Variants in ATF6B observed in about 807,000 individuals in gnomAD.
The protein encoded by ATF6B is activating transcription factor 6 beta.
ATF6B carries 50 observed loss-of-function variants against 83.5 expected under a neutral mutation model. The ratio of observed to expected loss-of-function variants is 0.60; its 90% confidence interval spans 0.48 to 0.76. The LOEUF is 0.76. Ranked by LOEUF, ATF6B falls within the 30% of genes least tolerant of loss-of-function variation. The probability of loss-of-function intolerance (pLI) is 0.00; values close to 1 mark genes in which losing one functional copy is unlikely to be tolerated. For synonymous variants in ATF6B, 344 were observed against 362.8 expected (o/e 0.95, Z 0.59); for missense variants, 790 against 893.8 (o/e 0.88, Z 1.48).
Position 32,117,991 on chromosome 6 carries a change from C to A in ATF6B, c.1292G>T (p.Gly431Val). Residue 431 changes from glycine to valine, a missense_variant, in exon 12 of 18, where the codon GGG becomes GTG. By Grantham distance (109) the Gly-to-Val change is moderately radical. Transcript: ENST00000375203. This position sits in a 1 kb window ranked among gnomAD's most constrained non-coding sequence, Gnocchi z 5.0. ...SAPISPRMNK[G>V]EPQPRRHLLG... ...CAAGTGTCTCCGGGGTTGAGGCTCC[C>A]CCTTGTTCATCCGAGGAGAGATGGG... 1 of 1,614,058 alleles carries A rather than the reference C, an allele frequency of 6.2e-7. No homozygotes were observed.
chr6:32,125,457 C>T lies in ATF6B; in HGVS notation c.478+660G>A, dbSNP rs1206002920. On this transcript the variant is annotated intron_variant, in intron 5 of 17. Coordinates refer to ENST00000375203, the MANE Select transcript of ATF6B (RefSeq NM_004381.5). This position sits in a 1 kb window ranked among gnomAD's most constrained non-coding sequence, Gnocchi z 4.1. ...TTTAGTATATGGTGTTCTAGCCTTT[C>T]TGTATGTTTAAAAATGTTTATGGGC... 6.6e-6 allele frequency among the ~76,000 whole-genome samples: 1 copy of T among 152,112 alleles called. No homozygotes were observed. Among genetic ancestry groups the T allele is most frequent in the Non-Finnish European group, 1.5e-5 (1 of 68,018 alleles).
chr6:32,117,508 G>C lies in ATF6B; in HGVS notation c.1532+79C>G. On this transcript the variant is annotated intron_variant, in intron 13 of 17. Transcript: ENST00000375203. This position sits in a 1 kb window ranked among gnomAD's most constrained non-coding sequence, Gnocchi z 5.0. The stretch of plus-strand genomic sequence containing the variant: ...GAGGGCAGGGAGCACTGGCGCTTTA[G>C]TACACAGGCCAGCCAGGCTGACTGC... The C allele has an allele frequency of 6.3e-7, 1 of 1,592,408 alleles. No homozygotes were observed.
In ATF6B at chr6:32,119,792, C is replaced by T. The variant is rs1781678461; in HGVS notation, c.966+32G>A. 1 of 1,608,746 alleles carries T rather than the reference C, an allele frequency of 6.2e-7. No homozygotes were observed. The highest frequency in any genetic ancestry group is 8.5e-7 in the Non-Finnish European group (1 of 1,176,576). ...AGACTTCCCTCTTCCCTTCCCATCA[C>T]TCGCCCTACTTCTCTCCTCCCCAAC... On this transcript the variant is annotated intron_variant, in intron 9 of 17. Coordinates refer to ENST00000375203, the MANE Select transcript of ATF6B (RefSeq NM_004381.5). This position sits in a 1 kb window ranked among gnomAD's most constrained non-coding sequence, Gnocchi z 4.9.
At chr6:32,120,728 G>A (rs1781727839) in intron 8 of ATF6B, 43 bp downstream of exon 8, 11 of 1,598,370 alleles carry the variant, frequency 6.9e-6, no homozygotes, top group East Asian at 2.3e-5. Context: ...TGGGATTACC[G>A]GCGTGAGCCA....
chr6:32,117,698 G>T lies in ATF6B; in HGVS notation c.1425-4C>A. 6.2e-7 allele frequency: 1 copy of T among 1,613,446 alleles called. No homozygotes were observed. The highest frequency in any genetic ancestry group is 8.5e-7 in the Non-Finnish European group (1 of 1,179,572). ...CCCAGGGAAGGCTGTCAGGTTGCTGGAGTGAAGCAGGAAGGAGACAACACT... is the reference window on the plus strand; with the variant it reads ...CCCAGGGAAGGCTGTCAGGTTGCTGTAGTGAAGCAGGAAGGAGACAACACT... On this transcript the variant is annotated splice_polypyrimidine_tract_variant and splice_region_variant and intron_variant, in intron 12 of 17. Coordinates refer to ENST00000375203, the MANE Select transcript of ATF6B (RefSeq NM_004381.5). This position sits in a 1 kb window ranked among gnomAD's most constrained non-coding sequence, Gnocchi z 5.0.
intron 5 of ATF6B, among the ~76,000 whole-genome samples, chr6:32,123,201 C>G (rs1418180467): frequency 2.2e-5 from 3 of 136,540 alleles, no homozygotes; most frequent in African/African-American, 5.6e-5. Flanking sequence ...GCACTCTAGC[C>G]TGGGTGACAG....
At chr6:32,124,795 G>A (rs1453701668) in intron 5 of ATF6B, among the ~76,000 whole-genome samples, 4 of 151,802 alleles carry the variant, frequency 2.6e-5, no homozygotes, top group Non-Finnish European at 5.9e-5. Flanking sequence ...CCCAGATTCA[G>A]CGCCAATGTG....
Position 32,125,944 on chromosome 6 carries a change from A to C in ATF6B, c.478+173T>G. 1.1e-6 allele frequency: 1 copy of C among 906,450 alleles called. No individual in the cohort carries two copies. Among genetic ancestry groups the C allele is most frequent in the Non-Finnish European group, 1.6e-6 (1 of 610,428 alleles). 56.2% of individuals were successfully genotyped at this position (906,450 alleles called of 1,614,324 possible). ...GCACTGCCCTTGCTGTGGTTCCCTG[A>C]AATGTTTCCTCTCCTTCCTGCCTTC... On this transcript the variant is annotated intron_variant, in intron 5 of 17. Coordinates refer to ENST00000375203, the MANE Select transcript of ATF6B (RefSeq NM_004381.5). The surrounding 1 kb of genome is among the most constrained non-coding windows in gnomAD (Gnocchi z 4.1).
In ATF6B at chr6:32,119,195, T is replaced by C; in HGVS notation, c.967-54A>G. ...GACAGATGAGTTGGCAGAAGGAGAC[T>C]ATGCTCTCAAACCCCAAGGAATGAT... On this transcript the variant is annotated intron_variant, in intron 9 of 17. Transcript: ENST00000375203. This position sits in a 1 kb window ranked among gnomAD's most constrained non-coding sequence, Gnocchi z 4.9. 1 of 1,544,768 alleles carries C rather than the reference T, an allele frequency of 6.5e-7. No homozygotes were observed. The highest frequency in any genetic ancestry group is 8.7e-7 in the Non-Finnish European group (1 of 1,148,830).
chr6:32,118,174 G>C lies in ATF6B; in HGVS notation c.1245-136C>G. 9.3e-7 allele frequency: 1 copy of C among 1,073,830 alleles called. No individual in the cohort carries two copies. Among genetic ancestry groups the C allele is most frequent in the Non-Finnish European group, 1.4e-6 (1 of 729,802 alleles). The allele number at this position is 1,073,830 out of a possible 1,614,324, so 66.5% of individuals were successfully genotyped here. ...GCCTGAGTCTGCCTCTGTAAGATGG[G>C]AATAAGGATGGTCCCTACATACAAA... On this transcript the variant is annotated intron_variant, in intron 11 of 17. Transcript: ENST00000375203. The surrounding 1 kb of genome is among the most constrained non-coding windows in gnomAD (Gnocchi z 5.2).
Position 32,115,978 on chromosome 6 carries a change from G to A in ATF6B, c.1883-10C>T. On this transcript the variant is annotated splice_polypyrimidine_tract_variant and intron_variant, in intron 17 of 17. Coordinates refer to ENST00000375203, the MANE Select transcript of ATF6B (RefSeq NM_004381.5). ...CGGCCTGACAGGGTCTCTGTGAGAAGGGGAGAGTTAAGGAAGAGGAGATGG... is the reference window on the plus strand; with the variant it reads ...CGGCCTGACAGGGTCTCTGTGAGAAAGGGAGAGTTAAGGAAGAGGAGATGG... The A allele has an allele frequency of 6.2e-7, 1 of 1,607,902 alleles. No individual in the cohort carries two copies. The highest frequency in any genetic ancestry group is 8.5e-7 in the Non-Finnish European group (1 of 1,175,316).
intron 1 of ATF6B, 102 bp downstream of exon 1, chr6:32,128,015 C>T: frequency 2.8e-6 from 4 of 1,404,084 alleles, no homozygotes; most frequent in Non-Finnish European, 3.0e-6. Flanking sequence ...CTTCAGATGG[C>T]GGATTCCGTA....
rs1781518750 is a variant in ATF6B, at chr6:32,116,066, G to A, written c.1883-98C>T. On this transcript the variant is annotated intron_variant, in intron 17 of 17. Transcript: ENST00000375203. The surrounding 1 kb of genome is among the most constrained non-coding windows in gnomAD (Gnocchi z 5.1). ...TCAGAAAAGTAGAGGTGAGCAGAGA[G>A]AAAAAGAAAGGGCAATAGTGAGGAG... is the stretch of plus-strand genomic sequence containing the variant. 1 of 872,666 alleles carries A rather than the reference G, an allele frequency of 1.1e-6. No homozygotes were observed. Among genetic ancestry groups the A allele is most frequent in the Non-Finnish European group, 1.8e-6 (1 of 566,372 alleles). The allele number at this position is 872,666 out of a possible 1,614,324, so 54.1% of individuals were successfully genotyped here. A position where few individuals can be genotyped will look rare whatever the true frequency, so the allele number is the denominator to read the frequency against.
chr6:32,120,115 T>TATC, intron 8 of ATF6B, 158 bp from the exon 9 acceptor site: 5 of 952,464 alleles, frequency 5.2e-6, no homozygotes, highest in Non-Finnish European at 6.0e-6. Context: ...TTTTCTTTTT[T>TATC]GAGATGCAGT....
In ATF6B at chr6:32,116,347, C is replaced by G; in HGVS notation, c.1882+133G>C. ...TCCTGCATGGTGCTCTTCCCTCCAC[C>G]TACTTCCTGCTGCTTCTCACCTGTG... On this transcript the variant is annotated intron_variant, in intron 17 of 17. Coordinates refer to ENST00000375203, the MANE Select transcript of ATF6B (RefSeq NM_004381.5). This position sits in a 1 kb window ranked among gnomAD's most constrained non-coding sequence, Gnocchi z 5.1. The G allele has an allele frequency of 1.2e-6, 1 of 835,632 alleles. No homozygotes were observed. The highest frequency in any genetic ancestry group is 1.8e-5 in the South Asian group (1 of 56,022). 51.8% of individuals were successfully genotyped at this position (835,632 alleles called of 1,614,324 possible).
Position 32,128,170 on chromosome 6 carries a change from G to T in ATF6B, c.38C>A (p.Pro13Gln). The T allele has an allele frequency of 6.2e-7, 1 of 1,612,676 alleles. No individual in the cohort carries two copies. The highest frequency in any genetic ancestry group is 8.5e-7 in the Non-Finnish European group (1 of 1,179,824). The change falls in exon 1 of 18, where the codon CCG becomes CAG. Residue 13 changes from proline (P) to glutamine (Q), a missense_variant. Pro to Gln is a moderately conservative substitution (Grantham distance 76). This residue lies in a region of ATF6B where 253 missense variants were observed against 243.1 expected (regional missense o/e 1.04). Transcript: ENST00000375203. Reference protein sequence around the residue: ...ELMLLSEIADPTRFFTDNLLS... With the variant: ...ELMLLSEIADQTRFFTDNLLS... ...CAGGTTGTCGGTGAAGAAACGCGTC[G>T]GGTCAGCAATCTCGCTGAGCAGCAT...
Position 32,116,374 on chromosome 6 carries a change from G to A in ATF6B, c.1882+106C>T. ...ACTTCCTGCTGCTTCTCACCTGTGGGTCCAGCAGCTCTCTGGATGCCCTGC... is the reference window on the plus strand; with the variant it reads ...ACTTCCTGCTGCTTCTCACCTGTGGATCCAGCAGCTCTCTGGATGCCCTGC... On this transcript the variant is annotated intron_variant, in intron 17 of 17. Transcript: ENST00000375203. The surrounding 1 kb of genome is among the most constrained non-coding windows in gnomAD (Gnocchi z 5.1). The A allele has an allele frequency of 9.2e-7, 1 of 1,089,532 alleles. No individual in the cohort carries two copies. The highest frequency in any genetic ancestry group is 1.6e-5 in the African/African-American group (1 of 63,158). 67.5% of individuals were successfully genotyped at this position (1,089,532 alleles called of 1,614,324 possible). A position where few individuals can be genotyped will look rare whatever the true frequency, so the allele number is the denominator to read the frequency against.
chr6:32,120,537 G>A (rs1343984702), intron 8 of ATF6B: 13 of 337,990 alleles, frequency 3.8e-5, no homozygotes, highest in African/African-American at 1.6e-4. Flanking sequence ...TGCAACCTCC[G>A]CCTCCTGGGT....
In ATF6B at chr6:32,117,901, G is replaced by C; in HGVS notation, c.1382C>G (p.Pro461Arg). 6.3e-7 allele frequency: 1 copy of C among 1,587,772 alleles called. No individual in the cohort carries two copies. The highest frequency in any genetic ancestry group is 8.6e-7 in the Non-Finnish European group (1 of 1,169,220). Residue 461 changes from proline (P) to arginine (R), a missense_variant, in exon 12 of 18, where the codon CCT (proline) becomes CGT (arginine). This residue lies in a region of ATF6B where 530 missense variants were observed against 632.6 expected (regional missense o/e 0.84). Transcript: ENST00000375203. This position sits in a 1 kb window ranked among gnomAD's most constrained non-coding sequence, Gnocchi z 5.0. Reference protein sequence around the residue: ...VEPLQGSSQGPKEPQPSPTDQ... With the variant: ...VEPLQGSSQGRKEPQPSPTDQ... ...TGTGGGGCTGGGCTGGGGCTCCTTAGGGCCCTGGGAGGACCCCTGGAGAGG... is the reference window on the plus strand; with the variant it reads ...TGTGGGGCTGGGCTGGGGCTCCTTACGGCCCTGGGAGGACCCCTGGAGAGG...
Sources: gnomAD v4.1 joint callset for allele counts (sites outside exome capture counted in the v4.1 genomes callset) on GRCh38, gnomAD v4.1.1 for gene constraint, gnomAD v4.1.1 regional missense constraint, Gnocchi (gnomAD v3.1) non-coding constraint, MANE v1.5 for transcripts, NCBI Gene and HGNC (gene_info 2026-07-23, HGNC 2026-07-21) for gene names.